Variants in COL24A1 observed in about 807,000 individuals in gnomAD.
COL24A1 encodes the protein collagen type XXIV alpha 1 chain, also known as collagen alpha-1(XXIV) chain.
A neutral mutation model predicts 253.9 loss-of-function variants in COL24A1; 224 were observed. The observed-to-expected ratio is 0.88, with a 90% CI of 0.79 to 0.99. The LOEUF (loss-of-function observed/expected upper bound fraction) is 0.99. COL24A1 is among the 50% of genes least tolerant of loss of function. The probability of loss-of-function intolerance (pLI) is 0.00; values close to 1 mark genes in which losing one functional copy is unlikely to be tolerated. For synonymous variants in COL24A1, 685 were observed against 673.7 expected, an observed-to-expected ratio of 1.02 and a Z score of -0.26; for missense variants, 2,131 against 2,068.5, an observed-to-expected ratio of 1.03 and a Z score of -0.59.
intron 3 of COL24A1, among the ~76,000 whole-genome samples, chr1:86,122,471 A>G (rs919274115): frequency 2.0e-5 from 3 of 151,992 alleles, no homozygotes; most frequent in East Asian, 1.9e-4. Flanking sequence ...TCCCAAATCT[A>G]TATCCCCAGC....
intron 5 of COL24A1, among the ~76,000 whole-genome samples, chr1:86,093,538 T>G (rs1376772136): frequency 1.3e-5 from 2 of 152,058 alleles, no homozygotes; most frequent in African/African-American, 4.8e-5. Flanking sequence ...ATAAAAACCA[T>G]GGAAGACAAC....
At chr1:85,908,090 T>C (rs902478220) in intron 27 of COL24A1, among the ~76,000 whole-genome samples, 3 of 151,816 alleles carry the variant, frequency 2.0e-5, no homozygotes, top group Non-Finnish European at 3.0e-5. Context: ...GTTCATATTT[T>C]AAGTTCATAA....
intron 42 of COL24A1, among the ~76,000 whole-genome samples, chr1:85,840,584 T>C (rs1297154348): frequency 6.6e-6 from 1 of 152,142 alleles, no homozygotes; most frequent in Non-Finnish European, 1.5e-5. Flanking sequence ...TTTATTTCTA[T>C]GGACTAAAAA....
intron 39 of COL24A1, among the ~76,000 whole-genome samples, 152 bp downstream of exon 39, chr1:85,847,511 GCT>G (rs1280288401): frequency 1.3e-5 from 2 of 151,978 alleles, no homozygotes; most frequent in African/African-American, 4.8e-5. Context: ...ACTGTGGAAT[GCT>G]TACAATTCTC....
chr1:86,141,062 C>T (rs1650996763), intron 2 of COL24A1, among the ~76,000 whole-genome samples: 1 of 152,124 alleles, frequency 6.6e-6, no homozygotes, highest in African/African-American at 2.4e-5. Context: ...TGGTTTAGAA[C>T]TACAGGGAAA....
At chr1:86,005,255 C>T (rs1695832287) in intron 19 of COL24A1, among the ~76,000 whole-genome samples, 1 of 151,980 alleles carries the variant, frequency 6.6e-6, no homozygotes, top group Non-Finnish European at 1.5e-5. Context: ...TCACTACATA[C>T]CAAACTTTGC....
chr1:85,877,999 T>G (rs1310205031), intron 32 of COL24A1, among the ~76,000 whole-genome samples: 1 of 152,154 alleles, frequency 6.6e-6, no homozygotes, highest in Non-Finnish European at 1.5e-5. Flanking sequence ...CATACTGACT[T>G]CTTTAACTTA....
chr1:85,813,627 T>C (rs1672784682), intron 47 of COL24A1, among the ~76,000 whole-genome samples: 2 of 132,222 alleles, frequency 1.5e-5, no homozygotes, highest in African/African-American at 5.7e-5. Flanking sequence ...CTCGGCTCAC[T>C]GCAAGCTCCG....
chr1:86,061,677 C>T (rs746786457), intron 8 of COL24A1, among the ~76,000 whole-genome samples: 2 of 152,130 alleles, frequency 1.3e-5, no homozygotes, highest in South Asian at 2.1e-4. Context: ...ATGGCATAAA[C>T]GTATTCTGAG....
At chr1:86,027,588 T>C (rs1236016498) in intron 14 of COL24A1, among the ~76,000 whole-genome samples, 1 of 152,162 alleles carries the variant, frequency 6.6e-6, no homozygotes, top group African/African-American at 2.4e-5. Flanking sequence ...AACCTCTGCC[T>C]AGATTTCACA....
intron 53 of COL24A1, among the ~76,000 whole-genome samples, chr1:85,762,971 G>A (rs1392637301): frequency 1.3e-5 from 2 of 152,124 alleles, no homozygotes; most frequent in African/African-American, 4.8e-5. Flanking sequence ...CACCAGGATA[G>A]GGCAGGGCAA....
chr1:85,920,871 G>A (rs1686383544), intron 24 of COL24A1, among the ~76,000 whole-genome samples: 1 of 151,718 alleles, frequency 6.6e-6, no homozygotes, highest in Non-Finnish European at 1.5e-5. Context: ...TACATACGCT[G>A]ATGATAAACC....
chr1:85,849,002 C>T (rs569354496), intron 38 of COL24A1, among the ~76,000 whole-genome samples: 1 of 152,292 alleles, frequency 6.6e-6, no homozygotes, highest in Admixed American at 6.5e-5. Context: ...TCTCTTCCCT[C>T]AAATACTTTA....
Position 86,022,607 on chromosome 1 carries a change from T to C in COL24A1, c.2149-16A>G, listed in dbSNP as rs755543339. 6.2e-7 allele frequency: 1 copy of C among 1,609,014 alleles called. No homozygotes were observed. Among genetic ancestry groups the C allele is most frequent in the Admixed American group, 1.7e-5 (1 of 59,200 alleles). On this transcript the variant is annotated splice_polypyrimidine_tract_variant and intron_variant, in intron 16 of 59. Coordinates refer to ENST00000370571, the MANE Select transcript of COL24A1 (RefSeq NM_152890.7). ...CTTGTTCACCCTGGAAAGCACAATT[T>C]CATGCAAAGATACTTATGTATCACA... is the stretch of plus-strand genomic sequence containing the variant.
At chr1:85,838,463 C>T (rs2102218179) in intron 43 of COL24A1, 122 bp downstream of exon 43, 9 of 801,812 alleles carry the variant, frequency 1.1e-5, no homozygotes, top group Non-Finnish European at 1.8e-5. Flanking sequence ...AGAAAGACGT[C>T]TCTTCTAGGA....
At chr1:85,766,391 G>GAAAAAAAAAAAAAAAAAAAAAAAAAAAA (rs1667379547) in intron 53 of COL24A1, among the ~76,000 whole-genome samples, 1 of 36,986 alleles carries the variant, frequency 2.7e-5, no homozygotes, top group African/African-American at 6.8e-5. Context: ...AAAAAAAAAA[G>GAAAAAAAAAAAAAAAAAAAAAAAAAAAA]AAAGAAAGAA....
rs60994639 is a variant in COL24A1 at position 85,885,397 on chromosome 1, A to ATATATATTTTTTTT, written c.2976+4162_2976+4163insAAAAAAAATATATA. 3.7e-3 allele frequency among the ~76,000 whole-genome samples: 477 copies of ATATATATTTTTTTT among 128,834 alleles called. 1 individual carries two copies. The highest frequency in any genetic ancestry group is 0.012 in the Middle Eastern group (3 of 242). The allele number at this position is 128,834 out of a possible 152,430, so 84.5% of individuals were successfully genotyped here. On this transcript the variant is annotated intron_variant, in intron 32 of 59. Transcript: ENST00000370571. ...TGTGTGTATATATATATATATATAT[A>ATATATATTTTTTTT]TTTTTTTTTTAAGTAGAAACTAAAT...
At chr1:85,763,126 C>A (rs1666999574) in intron 53 of COL24A1, among the ~76,000 whole-genome samples, 1 of 152,092 alleles carries the variant, frequency 6.6e-6, no homozygotes, top group African/African-American at 2.4e-5. Flanking sequence ...CTATATAAAG[C>A]TGTTTATAGG....
Position 85,832,688 on chromosome 1 carries a change from A to G in COL24A1, c.3681+5897T>C, listed in dbSNP as rs1244619714. On this transcript the variant is annotated intron_variant, in intron 43 of 59. Coordinates refer to ENST00000370571, the MANE Select transcript of COL24A1 (RefSeq NM_152890.7). ...TAGGTATTTTATTCTCTTTGAAGCA[A>G]TTGTGAATGGGAGTTCACTCATGAT... Among the ~76,000 whole-genome samples, 285 of 151,288 alleles carry G rather than the reference A, an allele frequency of 1.9e-3. 2 individuals are homozygous for G. The highest frequency in any genetic ancestry group is 2.0e-3 in the Non-Finnish European group (138 of 67,840).
Sources: allele counts gnomAD v4.1 joint callset (sites outside exome capture counted in the v4.1 genomes callset), GRCh38; gene constraint gnomAD v4.1.1; transcripts MANE v1.5; gene names NCBI Gene and HGNC (gene_info 2026-07-23, HGNC 2026-07-21).